BCAS3: variants seen among roughly 807,000 people sequenced by gnomAD.
BCAS3 encodes BCAS4/BCAS3 fusion.
BCAS3 carries 53 observed loss-of-function variants against 116.1 expected under a neutral mutation model. The ratio of observed to expected loss-of-function variants is 0.46; its 90% CI spans 0.37 to 0.57. The LOEUF is 0.57. Ranked by LOEUF, BCAS3 falls within the 20% of genes least tolerant of loss-of-function variation. The pLI, the probability that BCAS3 is intolerant of heterozygous loss-of-function variation, is 0.00. For synonymous variants in BCAS3, 391 were observed against 408.2 expected (o/e 0.96, Z 0.51); for missense variants, 917 against 1,165.4 (o/e 0.79, Z 3.10).
chr17:61,291,063 A>G (rs1207170054), intron 22 of BCAS3, among the ~76,000 whole-genome samples: 5 of 151,968 alleles, frequency 3.3e-5, no homozygotes, highest in Non-Finnish European at 7.4e-5. Flanking sequence ...TACAGACGTG[A>G]GCCACCGCGC....
intron 19 of BCAS3, among the ~76,000 whole-genome samples, chr17:61,050,563 C>T (rs2068767241): frequency 6.6e-6 from 1 of 151,680 alleles, no homozygotes; most frequent in African/African-American, 2.4e-5. Flanking sequence ...AACTCAAAAG[C>T]AACTACTAAA....
At chr17:61,002,672 C>T (rs928870217) in intron 15 of BCAS3, 2 of 152,054 alleles carry the variant, frequency 1.3e-5, no homozygotes, top group African/African-American at 2.4e-5. Context: ...GATCCAGTTC[C>T]TCTGAGTGAA....
At chr17:60,979,386 G>A (rs1490500216) in intron 14 of BCAS3, among the ~76,000 whole-genome samples, 42 of 149,082 alleles carry the variant, frequency 2.8e-4, no homozygotes, top group Admixed American at 5.3e-4. Flanking sequence ...TTGCTTATCA[G>A]CTTAAGGAGA....
At chr17:60,809,181 G>A (rs933035456) in intron 7 of BCAS3, among the ~76,000 whole-genome samples, 1 of 151,792 alleles carries the variant, frequency 6.6e-6, no homozygotes, top group East Asian at 1.9e-4. Context: ...CTACCCGGAA[G>A]GCTGAGGCAC....
chr17:61,129,921 GA>G (rs2143861078), intron 22 of BCAS3, among the ~76,000 whole-genome samples: 1 of 152,284 alleles, frequency 6.6e-6, no homozygotes, highest in African/African-American at 2.4e-5. Context: ...GAATTTCAAA[GA>G]AAAATAAAAT....
chr17:61,016,642 A>G (rs2065475466), intron 16 of BCAS3, among the ~76,000 whole-genome samples: 1 of 152,198 alleles, frequency 6.6e-6, no homozygotes. Context: ...TCTATAGGCA[A>G]ATTATTTGTT....
chr17:61,366,533 C>T lies in BCAS3; in HGVS notation c.2426-1794C>T, dbSNP rs1029499763. On this transcript the variant is annotated intron_variant, in intron 22 of 23. Coordinates refer to ENST00000407086, the MANE Select transcript of BCAS3 (RefSeq NM_017679.5). This position sits in a 1 kb window ranked among gnomAD's most constrained non-coding sequence, Gnocchi z 4.5. ...AGTGTTGGCTCTGAGCTTGGCACTG[C>T]CAGTGCACAGCTCTAGCACAGTTCA... Among the ~76,000 whole-genome samples, 2 of 152,206 alleles carry T rather than the reference C, an allele frequency of 1.3e-5. No individual in the cohort carries two copies. Among genetic ancestry groups the T allele is most frequent in the Non-Finnish European group, 2.9e-5 (2 of 68,028 alleles).
Position 61,205,319 on chromosome 17 carries a change from G to T in BCAS3, c.2425+120755G>T, listed in dbSNP as rs2081059551. On this transcript the variant is annotated intron_variant, in intron 22 of 23. Transcript: ENST00000407086. The surrounding 1 kb of genome is among the most constrained non-coding windows in gnomAD (Gnocchi z 5.2). ...AACTGGTTACATTTCAGCATATACA[G>T]CTGGACTTCCTGGTGGGCCTCCCAC... 6.6e-6 allele frequency among the ~76,000 whole-genome samples: 1 copy of T among 152,162 alleles called. No individual in the cohort carries two copies. Among genetic ancestry groups the T allele is most frequent in the South Asian group, 2.1e-4 (1 of 4,830 alleles).
chr17:61,369,480 C>G (rs1432541034), intron 23 of BCAS3, among the ~76,000 whole-genome samples: 1 of 152,220 alleles, frequency 6.6e-6, no homozygotes, highest in African/African-American at 2.4e-5. Flanking sequence ...GATTCAGAGT[C>G]AGAGCACTGA....
At chr17:61,209,757 A>T (rs937132608) in intron 22 of BCAS3, among the ~76,000 whole-genome samples, 1 of 152,182 alleles carries the variant, frequency 6.6e-6, no homozygotes, top group Non-Finnish European at 1.5e-5. Flanking sequence ...ACCTCAGGGA[A>T]GGACCTTCAA....
intron 7 of BCAS3, chr17:60,810,271 T>C: frequency 2.2e-6 from 1 of 446,570 alleles, no homozygotes; most frequent in East Asian, 5.5e-5. Context: ...GGCCAGTGTC[T>C]GTGCAGGCAC....
At chr17:61,296,936 G>C (rs994854996) in intron 22 of BCAS3, among the ~76,000 whole-genome samples, 1 of 152,214 alleles carries the variant, frequency 6.6e-6, no homozygotes, top group Admixed American at 6.5e-5. Context: ...GAGTCTGAAG[G>C]CTTTGGGGAG....
intron 9 of BCAS3, among the ~76,000 whole-genome samples, chr17:60,886,858 C>T (rs1266112514): frequency 6.6e-6 from 1 of 150,860 alleles, no homozygotes; most frequent in Non-Finnish European, 1.5e-5. Context: ...AGCTGTCAGA[C>T]AGGGACATTT....
At chr17:61,335,307 C>A (rs140913790) in intron 22 of BCAS3, among the ~76,000 whole-genome samples, 58 of 152,336 alleles carry the variant, frequency 3.8e-4, no homozygotes, top group African/African-American at 1.3e-3. Flanking sequence ...CCAGGGCACA[C>A]TCGCAATGTG....
At chr17:60,709,484 G>A in intron 5 of BCAS3, 159 bp downstream of exon 5, 1 of 488,252 alleles carries the variant, frequency 2.0e-6, no homozygotes, top group East Asian at 4.3e-5. Flanking sequence ...CTGCCTCCCA[G>A]CTTCAAGCGA....
intron 13 of BCAS3, among the ~76,000 whole-genome samples, chr17:60,929,286 G>A (rs915624503): frequency 1.4e-4 from 21 of 152,176 alleles, no homozygotes; most frequent in Non-Finnish European, 2.2e-4. Flanking sequence ...TTACCTGGGC[G>A]TGGTGGCACG....
chr17:61,216,550 A>ATTTTAT (rs376432737), intron 22 of BCAS3, among the ~76,000 whole-genome samples: 5 of 75,886 alleles, frequency 6.6e-5, no homozygotes, highest in African/African-American at 1.6e-4. Flanking sequence ...ATTTTATTTT[A>ATTTTAT]TTTATTTATT....
intron 22 of BCAS3, among the ~76,000 whole-genome samples, chr17:61,262,493 G>A (rs28865306): frequency 0.042 from 6,430 of 151,812 alleles, 405 homozygotes; most frequent in African/African-American, 0.15. Flanking sequence ...CGATTCTCCT[G>A]CTTCAGCCTC....
Position 61,041,981 on chromosome 17 carries a change from A to G in BCAS3, c.2029+1089A>G, listed in dbSNP as rs2067546383. Among the ~76,000 whole-genome samples the G allele has an allele frequency of 6.6e-6, 1 of 152,036 alleles. No individual in the cohort carries two copies. The highest frequency in any genetic ancestry group is 1.5e-5 in the Non-Finnish European group (1 of 67,980). On this transcript the variant is annotated intron_variant, in intron 19 of 23. Coordinates refer to ENST00000407086, the MANE Select transcript of BCAS3 (RefSeq NM_017679.5). This position sits in a 1 kb window ranked among gnomAD's most constrained non-coding sequence, Gnocchi z 4.7. ...AGACATTTAATAAAAAAGTAAAATA[A>G]AGTGGGGTAGGTGTGTCAGTGGAGG...
Sources: gnomAD v4.1 joint callset for allele counts (sites outside exome capture counted in the v4.1 genomes callset) on GRCh38, gnomAD v4.1.1 for gene constraint, Gnocchi (gnomAD v3.1) non-coding constraint, MANE v1.5 for transcripts, NCBI Gene and HGNC (gene_info 2026-07-23, HGNC 2026-07-21) for gene names.